The following DCC variants were observed in gnomAD, a reference collection of about 807,000 sequenced individuals.
DCC encodes the protein DCC netrin 1 receptor, also known as netrin receptor DCC.
Under a neutral mutation model 172.5 loss-of-function variants are expected in DCC, and 58 were observed. The observed-to-expected ratio is 0.34, with a 90% confidence interval of 0.27 to 0.42. The LOEUF is 0.42. Ranked by LOEUF, DCC falls within the 10% of genes least tolerant of loss-of-function variation. The probability of loss-of-function intolerance (pLI) is 1.00; values close to 1 mark genes in which losing one functional copy is unlikely to be tolerated. For missense variants in DCC, 1,740 were observed against 1,791.0 expected (o/e 0.97, Z 0.51); for synonymous variants, 709 against 644.5 (o/e 1.10, Z -1.52).
intron 1 of DCC, among the ~76,000 whole-genome samples, chr18:52,617,892 A>C (rs1413615982): frequency 6.6e-6 from 1 of 152,200 alleles, no homozygotes; most frequent in African/African-American, 2.4e-5. Flanking sequence ...TGCCTGCCAG[A>C]TCAAGTAACT....
intron 5 of DCC, among the ~76,000 whole-genome samples, chr18:52,982,333 A>G (rs185843270): frequency 4.8e-4 from 73 of 152,300 alleles, no homozygotes; most frequent in African/African-American, 1.7e-3. Context: ...AATGAGGGCA[A>G]TGCAGCAGAT....
intron 1 of DCC, among the ~76,000 whole-genome samples, chr18:52,397,333 T>C (rs1157472848): frequency 6.6e-6 from 1 of 152,096 alleles, no homozygotes; most frequent in African/African-American, 2.4e-5. Context: ...AGCATCTATC[T>C]GTATGGCATT....
At chr18:53,447,229 G>A (rs980133597) in intron 22 of DCC, among the ~76,000 whole-genome samples, 3 of 152,168 alleles carry the variant, frequency 2.0e-5, no homozygotes, top group Admixed American at 1.3e-4. Context: ...CAAATAACAA[G>A]AATTGACTGC....
chr18:53,303,914 G>A (rs1041317672), intron 12 of DCC, among the ~76,000 whole-genome samples: 1 of 152,196 alleles, frequency 6.6e-6, no homozygotes, highest in East Asian at 1.9e-4. Flanking sequence ...ATTGCCAGAT[G>A]GAGGTGGCTC....
At chr18:53,189,219 A>T (rs1318733325) in intron 9 of DCC, among the ~76,000 whole-genome samples, 1 of 151,618 alleles carries the variant, frequency 6.6e-6, no homozygotes, top group Admixed American at 6.6e-5. Context: ...AGATATGTGT[A>T]TATGTATATA....
intron 10 of DCC, among the ~76,000 whole-genome samples, chr18:53,207,032 CTGTTT>C (rs2055662318): frequency 1.5e-5 from 1 of 66,732 alleles, no homozygotes; most frequent in African/African-American, 4.4e-5. Context: ...TTTCAACTTT[CTGTTT>C]TATCTGCCTT....
At chr18:52,481,703 A>G (rs1452232461) in intron 1 of DCC, among the ~76,000 whole-genome samples, 1 of 152,122 alleles carries the variant, frequency 6.6e-6, no homozygotes, top group Non-Finnish European at 1.5e-5. Flanking sequence ...GAACTCTAAC[A>G]GTGACGACTT....
intron 2 of DCC, among the ~76,000 whole-genome samples, chr18:52,786,753 T>C (rs2037668462): frequency 6.6e-6 from 1 of 152,074 alleles, no homozygotes; most frequent in Non-Finnish European, 1.5e-5. Flanking sequence ...CATTCTTTAC[T>C]GACCACAGGT....
At chr18:53,196,189 T>G (rs1479999223) in intron 9 of DCC, among the ~76,000 whole-genome samples, 1 of 152,186 alleles carries the variant, frequency 6.6e-6, no homozygotes, top group Non-Finnish European at 1.5e-5. Flanking sequence ...ACTTTAAGTT[T>G]TTATCTTCCG....
chr18:52,870,349 G>C (rs543920959), intron 2 of DCC, among the ~76,000 whole-genome samples: 144 of 152,264 alleles, frequency 9.5e-4, no homozygotes, highest in African/African-American at 3.3e-3. Flanking sequence ...TCCTGCAGCT[G>C]CTCCTGCCAC....
At position 53,134,240 on chromosome 18, in the gene DCC, C is replaced by A. The variant is rs145241267; in HGVS notation, c.1262-23116C>A. 8.3e-4 allele frequency among the ~76,000 whole-genome samples: 127 copies of A among 152,228 alleles called. 4 individuals are homozygous for A. In the East Asian group the frequency reaches 0.022, roughly 26 times the overall value. On this transcript the variant is annotated intron_variant, in intron 7 of 28. Transcript: ENST00000442544. ...TATGTTAAATATCTTTCTGGAGAGT[C>A]AATCCTGATAAAGCAGGACATGCAC...
chr18:53,031,838 C>A (rs1453340700), intron 5 of DCC, among the ~76,000 whole-genome samples: 1 of 151,814 alleles, frequency 6.6e-6, no homozygotes, highest in African/African-American at 2.4e-5. Context: ...AATTAAAAAT[C>A]ATTTTATAGA....
intron 15 of DCC, among the ~76,000 whole-genome samples, chr18:53,380,807 T>C (rs958504550): frequency 6.6e-6 from 1 of 152,330 alleles, no homozygotes; most frequent in Non-Finnish European, 1.5e-5. Flanking sequence ...GATATTCTTA[T>C]ACCAGTTACA....
intron 1 of DCC, among the ~76,000 whole-genome samples, chr18:52,388,748 C>T (rs72916969): frequency 0.089 from 13,525 of 152,128 alleles, 744 homozygotes; most frequent in South Asian, 0.16. Context: ...CCCACACACA[C>T]GTGAAAATAT....
At chr18:52,663,953 T>C (rs1395704829) in intron 1 of DCC, among the ~76,000 whole-genome samples, 1 of 152,084 alleles carries the variant, frequency 6.6e-6, no homozygotes, top group Non-Finnish European at 1.5e-5. Context: ...AGAAAGTCAT[T>C]TAACAATGTT....
At chr18:52,803,566 T>A (rs1482045735) in intron 2 of DCC, among the ~76,000 whole-genome samples, 1 of 152,312 alleles carries the variant, frequency 6.6e-6, no homozygotes, top group East Asian at 1.9e-4. Flanking sequence ...ACCTATATAT[T>A]ATATACATTT....
chr18:52,912,882 T>C (rs980653047), intron 3 of DCC, among the ~76,000 whole-genome samples: 1 of 152,080 alleles, frequency 6.6e-6, no homozygotes, highest in African/African-American at 2.4e-5. Flanking sequence ...AGACAAAATC[T>C]AATCCTTAAA....
At chr18:53,222,211 A>G (rs879564562) in intron 12 of DCC, among the ~76,000 whole-genome samples, 4 of 152,180 alleles carry the variant, frequency 2.6e-5, no homozygotes, top group Admixed American at 2.6e-4. Flanking sequence ...ACATAAATGC[A>G]TCATTCCAAC....
At chr18:53,314,160 A>G (rs1052420923) in intron 13 of DCC, among the ~76,000 whole-genome samples, 3 of 152,212 alleles carry the variant, frequency 2.0e-5, no homozygotes, top group Non-Finnish European at 4.4e-5. Flanking sequence ...AATTTTCCCA[A>G]ACAAATCACA....
Sources: gnomAD v4.1 joint callset for allele counts (sites outside exome capture counted in the v4.1 genomes callset) on GRCh38, gnomAD v4.1.1 for gene constraint, MANE v1.5 for transcripts, NCBI Gene and HGNC (gene_info 2026-07-23, HGNC 2026-07-21) for gene names.